The following HBS1L variants were observed in gnomAD, a reference collection of about 807,000 sequenced individuals.
The protein encoded by HBS1L is HBS1 like translational GTPase.
Under a neutral mutation model 88.9 loss-of-function variants are expected in HBS1L, and 55 were observed. That is an observed-to-expected ratio of 0.62 (90% CI 0.50 to 0.77). HBS1L has a LOEUF of 0.77. Among genes scored for constraint, HBS1L ranks in the 30% least tolerant of loss-of-function variants. HBS1L has a pLI of 0.00. For synonymous variants in HBS1L, 267 were observed against 288.5 expected, an observed-to-expected ratio of 0.93 and a Z score of 0.76; for missense variants, 741 against 829.3, an observed-to-expected ratio of 0.89 and a Z score of 1.31.
At chr6:135,040,350 T>C (rs1423049517) in intron 3 of HBS1L, among the ~76,000 whole-genome samples, 2 of 58,380 alleles carry the variant, frequency 3.4e-5, no homozygotes, top group Middle Eastern at 6.3e-3. Context: ...CATTCTTTTT[T>C]TTTTTTTTTT....
At chr6:134,971,483 C>A (rs532859729) in intron 15 of HBS1L, among the ~76,000 whole-genome samples, 20 of 152,280 alleles carry the variant, frequency 1.3e-4, no homozygotes, top group African/African-American at 4.8e-4. Flanking sequence ...TAATTAAGTT[C>A]TTCTACCCTT....
intron 2 of HBS1L, among the ~76,000 whole-genome samples, chr6:135,044,081 C>T (rs1353202834): frequency 6.6e-6 from 1 of 152,164 alleles, no homozygotes; most frequent in African/African-American, 2.4e-5. Flanking sequence ...TACTGCTTGG[C>T]TCTCCAAGGT....
At chr6:135,020,317 C>G (rs1177403402) in intron 4 of HBS1L, among the ~76,000 whole-genome samples, 1 of 151,868 alleles carries the variant, frequency 6.6e-6, no homozygotes, top group African/African-American at 2.4e-5. Flanking sequence ...GGGCATTTTC[C>G]ATGAGCAAGA....
chr6:134,999,524 T>C (rs1225971277), intron 5 of HBS1L, among the ~76,000 whole-genome samples: 1 of 146,890 alleles, frequency 6.8e-6, no homozygotes, highest in Non-Finnish European at 1.5e-5. Flanking sequence ...CTCAGCTCAC[T>C]GCAACCTCCG....
chr6:134,963,618 CACTATA>C lies in HBS1L; in HGVS notation c.*1655_*1660del, dbSNP rs1184965912. The C allele has an allele frequency of 1.3e-5, 2 of 152,194 alleles. No individual in the cohort carries two copies. Among genetic ancestry groups the C allele is most frequent in the Non-Finnish European group, 2.9e-5 (2 of 68,066 alleles). The allele number at this position is 152,194 out of a possible 1,614,324, so 9.4% of individuals were successfully genotyped here. A position where few individuals can be genotyped will look rare whatever the true frequency, so the allele number is the denominator to read the frequency against. ...AATTTTTTCTGTAGAGACATGGTCT[CACTATA>C]TTGCCTTAGCTGGTCTCAAACTCCT... On this transcript the variant is annotated 3_prime_UTR_variant, in exon 18 of 18. Transcript: ENST00000367837.
At position 134,987,721 on chromosome 6, in the gene HBS1L, T is replaced by C; in HGVS notation, c.1154A>G (p.Gln385Arg). The change falls in exon 9 of 18, where the codon CAA becomes CGA. Residue 385 changes from glutamine (Q) to arginine (R), a missense_variant. This residue lies in a region of HBS1L where 556 missense variants were observed against 598.4 expected (regional missense o/e 0.93). Coordinates refer to ENST00000367837, the MANE Select transcript of HBS1L (RefSeq NM_006620.4). Reference sequence around the variant, plus strand: ...GACCAAGAGTCCATGCTCTCGTGTTTGTCCTCCAGTCTCAAATCCAGCTTC... The same window carrying C: ...GACCAAGAGTCCATGCTCTCGTGTTCGTCCTCCAGTCTCAAATCCAGCTTC... ...EFEAGFETGG[Q>R]TREHGLLVRS... 1 of 1,609,192 alleles carries C rather than the reference T, an allele frequency of 6.2e-7. No homozygotes were observed. Among genetic ancestry groups the C allele is most frequent in the Non-Finnish European group, 8.5e-7 (1 of 1,177,702 alleles).
chr6:135,001,959 A>C (rs1775473431), intron 5 of HBS1L, among the ~76,000 whole-genome samples: 1 of 151,698 alleles, frequency 6.6e-6, no homozygotes, highest in African/African-American at 2.4e-5. Flanking sequence ...AAAAAGGAAA[A>C]AAAGTATATA....
chr6:134,985,872 T>C (rs1774964782), intron 11 of HBS1L, among the ~76,000 whole-genome samples, 194 bp downstream of exon 11: 1 of 152,146 alleles, frequency 6.6e-6, no homozygotes, highest in Admixed American at 6.6e-5. Context: ...AACCAGGCAC[T>C]AGCCTCATAA....
chr6:134,990,815 G>A (rs1775111279), intron 8 of HBS1L, among the ~76,000 whole-genome samples: 1 of 152,166 alleles, frequency 6.6e-6, no homozygotes, highest in African/African-American at 2.4e-5. Context: ...GCCTCCCAAA[G>A]TGCTGGGATT....
chr6:134,993,627 A>C (rs1775207594), intron 8 of HBS1L, 131 bp downstream of exon 8: 2 of 427,784 alleles, frequency 4.7e-6, no homozygotes, highest in Non-Finnish European at 4.2e-6. Context: ...TTTTTGTTCA[A>C]GCTTTATAAA....
chr6:135,029,864 CAT>C (rs539870278), intron 4 of HBS1L, among the ~76,000 whole-genome samples: 2 of 152,114 alleles, frequency 1.3e-5, no homozygotes, highest in Non-Finnish European at 2.9e-5. Context: ...TTAAGTGATA[CAT>C]ATATAAGTGT....
chr6:134,981,181 C>T (rs1038704935), intron 13 of HBS1L, among the ~76,000 whole-genome samples: 2 of 151,696 alleles, frequency 1.3e-5, no homozygotes, highest in African/African-American at 2.4e-5. Flanking sequence ...GGCTCTTAAT[C>T]ATAAAAAAAT....
Position 134,987,232 on chromosome 6 carries a change from A to C in HBS1L, c.1230+413T>G, listed in dbSNP as rs1175894801. On this transcript the variant is annotated intron_variant, in intron 9 of 17. Transcript: ENST00000367837. ...AAGACAAGAAAATTATTTTTTAAAA[A>C]GCAGATGATAAAACAGATAACCCAA... Among the ~76,000 whole-genome samples the C allele has an allele frequency of 2.0e-5, 3 of 152,140 alleles. No homozygotes were observed. In the East Asian group the frequency reaches 5.8e-4, roughly 29 times the overall value.
At chr6:135,016,409 C>T (rs531925046) in intron 4 of HBS1L, among the ~76,000 whole-genome samples, 33 of 152,256 alleles carry the variant, frequency 2.2e-4, no homozygotes, top group Admixed American at 1.4e-3. Flanking sequence ...CCGTTTACTA[C>T]AATTTTTACT....
At chr6:135,005,599 T>A (rs1303006304) in intron 4 of HBS1L, among the ~76,000 whole-genome samples, 1 of 152,220 alleles carries the variant, frequency 6.6e-6, no homozygotes, top group Admixed American at 6.5e-5. Flanking sequence ...GGGAATAATA[T>A]GGCAGAATAG....
At chr6:134,970,005 G>T (rs1205492624) in intron 15 of HBS1L, among the ~76,000 whole-genome samples, 1 of 152,046 alleles carries the variant, frequency 6.6e-6, no homozygotes, top group Non-Finnish European at 1.5e-5. Flanking sequence ...ACTATACTGG[G>T]TACAAACATT....
intron 5 of HBS1L, among the ~76,000 whole-genome samples, chr6:134,999,406 C>T (rs1775381593): frequency 6.7e-6 from 1 of 149,584 alleles, no homozygotes; most frequent in East Asian, 1.9e-4. Context: ...TTTCCTCTGG[C>T]TTTCAGGATA....
At chr6:135,014,388 G>A (rs1409081623) in intron 4 of HBS1L, among the ~76,000 whole-genome samples, 1 of 152,126 alleles carries the variant, frequency 6.6e-6, no homozygotes, top group African/African-American at 2.4e-5. Context: ...CATGTTCTTG[G>A]CACTGAGGAC....
chr6:134,969,113 A>T (rs967203819), intron 16 of HBS1L, 125 bp downstream of exon 16: 1 of 657,620 alleles, frequency 1.5e-6, no homozygotes, highest in African/African-American at 1.8e-5. Context: ...CCCTTGAAAA[A>T]ATAATTTCTG....
Sources: allele counts gnomAD v4.1 joint callset (sites outside exome capture counted in the v4.1 genomes callset), GRCh38; gene constraint gnomAD v4.1.1; regional missense constraint gnomAD v4.1.1; transcripts MANE v1.5; gene names NCBI Gene and HGNC (gene_info 2026-07-23, HGNC 2026-07-21).